GRIN2B: variants seen among roughly 807,000 people sequenced by gnomAD.
GRIN2B encodes glutamate receptor ionotropic, NMDA 2B.
Under a neutral mutation model 114.5 loss-of-function variants are expected in GRIN2B, and 5 were observed. The ratio of observed to expected loss-of-function variants is 0.04; its 90% CI spans 0.02 to 0.09. The LOEUF is 0.09. GRIN2B is among the 10% of genes least tolerant of loss of function. GRIN2B has a pLI of 1.00. For missense variants in GRIN2B, 1,108 were observed against 1,943.5 expected, an observed-to-expected ratio of 0.57 and a Z score of 8.08; for synonymous variants, 787 against 745.1, an observed-to-expected ratio of 1.06 and a Z score of -0.92.
At position 13,564,478 on chromosome 12, in the gene GRIN2B, G is replaced by A. The variant is rs149157688; in HGVS notation, c.2760C>T (p.Ser920=). 8 of 1,614,094 alleles carry A rather than the reference G, an allele frequency of 5.0e-6. No homozygotes were observed. Among genetic ancestry groups the A allele is most frequent in the African/African-American group, 2.7e-5 (2 of 74,952 alleles). Residue 920 remains serine, a synonymous_variant, in exon 14 of 14, where the codon AGC becomes AGT. Coordinates refer to ENST00000609686, the MANE Select transcript of GRIN2B (RefSeq NM_000834.5). This position sits in a 1 kb window ranked among gnomAD's most constrained non-coding sequence, Gnocchi z 4.8. ...NLSGVNGSPQ[S]ALDFIRRESS... is the part of the protein sequence containing the mutation. The stretch of plus-strand genomic sequence containing the variant: ...ACTCCCGTCGGATGAAGTCCAGGGC[G>A]CTCTGCGGTGAGCCATTCACACCAG...
intron 4 of GRIN2B, among the ~76,000 whole-genome samples, chr12:13,723,255 C>CATTAGGT (rs1862912559): frequency 6.6e-6 from 1 of 151,932 alleles, no homozygotes; most frequent in Admixed American, 6.6e-5. Flanking sequence ...CCATCATCTA[C>CATTAGGT]ATTAGGTATT....
intron 5 of GRIN2B, among the ~76,000 whole-genome samples, chr12:13,638,793 T>C (rs760876992): frequency 1.6e-4 from 24 of 152,062 alleles, no homozygotes; most frequent in Non-Finnish European, 3.4e-4. Flanking sequence ...GTATTCCTGG[T>C]GACCTCAGCA....
intron 4 of GRIN2B, among the ~76,000 whole-genome samples, chr12:13,718,596 T>G (rs1287899672): frequency 6.6e-6 from 1 of 151,972 alleles, no homozygotes; most frequent in South Asian, 2.1e-4. Flanking sequence ...CCTATGGAAC[T>G]GGAGGTGAAA....
intron 5 of GRIN2B, among the ~76,000 whole-genome samples, chr12:13,621,247 C>G (rs758193641): frequency 3.0e-4 from 46 of 152,134 alleles, no homozygotes; most frequent in Non-Finnish European, 6.2e-4. Context: ...AAGCAAACAT[C>G]TTGAAAGTGC....
intron 3 of GRIN2B, among the ~76,000 whole-genome samples, chr12:13,784,902 G>A (rs554422992): frequency 2.0e-4 from 31 of 152,346 alleles, no homozygotes; most frequent in African/African-American, 7.0e-4. Flanking sequence ...TGAGACTAGA[G>A]GAACTATCCA....
intron 2 of GRIN2B, among the ~76,000 whole-genome samples, chr12:13,907,260 A>G (rs748505132): frequency 6.6e-6 from 1 of 152,150 alleles, no homozygotes; most frequent in Non-Finnish European, 1.5e-5. Context: ...GGAGTCCAAG[A>G]TGGATGGATC....
At chr12:13,941,778 T>C (rs1867259437) in intron 2 of GRIN2B, among the ~76,000 whole-genome samples, 1 of 152,220 alleles carries the variant, frequency 6.6e-6, no homozygotes, top group Non-Finnish European at 1.5e-5. Context: ...TCTACGTGTG[T>C]GCAAACCATG....
intron 2 of GRIN2B, among the ~76,000 whole-genome samples, chr12:13,951,187 T>C (rs745769773): frequency 1.3e-5 from 2 of 152,108 alleles, no homozygotes; most frequent in Non-Finnish European, 2.9e-5. Context: ...TACTAAAAAA[T>C]TATTGTTTAT....
chr12:13,577,950 G>C (rs896738041), intron 10 of GRIN2B, among the ~76,000 whole-genome samples: 1 of 152,162 alleles, frequency 6.6e-6, no homozygotes, highest in Admixed American at 6.5e-5. Flanking sequence ...GCAAGTATTT[G>C]TTGGTGTTTA....
chr12:13,896,135 G>T (rs961289642), intron 2 of GRIN2B, among the ~76,000 whole-genome samples: 1 of 152,154 alleles, frequency 6.6e-6, no homozygotes, highest in African/African-American at 2.4e-5. Context: ...TGTGATTTCA[G>T]AGGAGAGATT....
chr12:13,601,949 C>T (rs1949166855), intron 10 of GRIN2B, among the ~76,000 whole-genome samples: 1 of 152,082 alleles, frequency 6.6e-6, no homozygotes, highest in African/African-American at 2.4e-5. Context: ...TAAATAATGC[C>T]AGATAAGAAG....
chr12:13,820,471 A>G (rs1214898063), intron 3 of GRIN2B, among the ~76,000 whole-genome samples: 1 of 152,208 alleles, frequency 6.6e-6, no homozygotes, highest in Non-Finnish European at 1.5e-5. Context: ...ATTTACCCTC[A>G]TGGAGCTTCT....
intron 10 of GRIN2B, among the ~76,000 whole-genome samples, chr12:13,600,132 G>A (rs752938081): frequency 5.9e-5 from 9 of 152,082 alleles, no homozygotes; most frequent in Non-Finnish European, 1.2e-4. Flanking sequence ...TCTTGCATAG[G>A]GATACCTTTC....
chr12:13,840,048 G>C (rs988684304), intron 3 of GRIN2B, among the ~76,000 whole-genome samples: 1 of 152,174 alleles, frequency 6.6e-6, no homozygotes, highest in Non-Finnish European at 1.5e-5. Flanking sequence ...GTTTACCTTA[G>C]AGTGAGGGAT....
At chr12:13,647,536 T>C (rs1405438474) in intron 5 of GRIN2B, among the ~76,000 whole-genome samples, 1 of 152,088 alleles carries the variant, frequency 6.6e-6, no homozygotes, top group Non-Finnish European at 1.5e-5. Context: ...ATAATGTATA[T>C]GGTCTTGAAG....
intron 3 of GRIN2B, among the ~76,000 whole-genome samples, chr12:13,845,636 A>G (rs1017533074): frequency 6.6e-6 from 1 of 152,158 alleles, no homozygotes; most frequent in African/African-American, 2.4e-5. Flanking sequence ...CCTCTATTGT[A>G]AAATAAGGGC....
At chr12:13,776,399 C>T (rs1028418960) in intron 3 of GRIN2B, among the ~76,000 whole-genome samples, 3 of 152,092 alleles carry the variant, frequency 2.0e-5, no homozygotes, top group African/African-American at 7.2e-5. Flanking sequence ...CAAACCTGCA[C>T]ATGTACCCTT....
At chr12:13,951,088 G>A (rs1237333301) in intron 2 of GRIN2B, among the ~76,000 whole-genome samples, 1 of 152,006 alleles carries the variant, frequency 6.6e-6, no homozygotes, top group Non-Finnish European at 1.5e-5. Context: ...ATAAAATACA[G>A]GACACCCAAT....
At chr12:13,959,203 G>A (rs1184601530) in intron 2 of GRIN2B, among the ~76,000 whole-genome samples, 1 of 152,148 alleles carries the variant, frequency 6.6e-6, no homozygotes, top group Non-Finnish European at 1.5e-5. Context: ...ACAGAGTTTG[G>A]CAAAAGGAGA....
Sources: allele counts gnomAD v4.1 joint callset (sites outside exome capture counted in the v4.1 genomes callset), GRCh38; gene constraint gnomAD v4.1.1; non-coding constraint Gnocchi (gnomAD v3.1); transcripts MANE v1.5; gene names NCBI Gene and HGNC (gene_info 2026-07-23, HGNC 2026-07-21).